The following JPH2 variants were observed in gnomAD, a reference collection of about 807,000 sequenced individuals.
The protein encoded by JPH2 is junctophilin-2.
In JPH2, 38 loss-of-function variants were observed where a neutral mutation model predicts 55.9. That is an observed-to-expected ratio of 0.68 (90% CI 0.52 to 0.89). The LOEUF (loss-of-function observed/expected upper bound fraction) is 0.89. Ranked by LOEUF, JPH2 falls within the 40% of genes least tolerant of loss-of-function variation. The pLI is 0.00. For synonymous variants in JPH2, 480 were observed against 472.4 expected, an observed-to-expected ratio of 1.02 and a Z score of -0.21; for missense variants, 964 against 1,037.6, an observed-to-expected ratio of 0.93 and a Z score of 0.97.
In JPH2 at chr20:44,107,329, A is replaced by T. The variant is rs2072114497; in HGVS notation, c.*6189T>A. ...CAATGGGGATGGTACTACAGGCTGTACTGTCTTGTCTGTTTACCAAAACCC... is the reference window on the plus strand; with the variant it reads ...CAATGGGGATGGTACTACAGGCTGTTCTGTCTTGTCTGTTTACCAAAACCC... On this transcript the variant is annotated 3_prime_UTR_variant, in exon 6 of 6. Coordinates refer to ENST00000372980, the MANE Select transcript of JPH2 (RefSeq NM_020433.5). Among the ~76,000 whole-genome samples, 1 of 151,968 alleles carries T rather than the reference A, an allele frequency of 6.6e-6. No homozygotes were observed. Among genetic ancestry groups the T allele is most frequent in the Non-Finnish European group, 1.5e-5 (1 of 67,974 alleles).
chr20:44,134,993 C>T lies in JPH2; in HGVS notation c.1170-16370G>A, dbSNP rs569594146. ...TTAGCTGCTGGGTGCTGGGAATGAC[C>T]AAGTGGACAGAATACCAAGAGGGGT... On this transcript the variant is annotated intron_variant, in intron 2 of 5. Transcript: ENST00000372980. Among the ~76,000 whole-genome samples the T allele has an allele frequency of 6.4e-5, 9 of 140,630 alleles. No homozygotes were observed. In the South Asian group the frequency reaches 1.3e-3, roughly 21 times the overall value. The allele number at this position is 140,630 out of a possible 152,430, so 92.3% of individuals were successfully genotyped here.
intron 1 of JPH2, among the ~76,000 whole-genome samples, chr20:44,162,787 T>TATACAC (rs1311653754): frequency 9.0e-4 from 37 of 40,982 alleles, no homozygotes; most frequent in Admixed American, 1.3e-3. Context: ...TATATATATA[T>TATACAC]ACACACACAC....
intron 2 of JPH2, among the ~76,000 whole-genome samples, chr20:44,134,321 A>AAATATT: frequency 1.2e-3 from 1 of 848 alleles, no homozygotes; most frequent in African/African-American, 2.6e-3. Context: ...TATTATAAAT[A>AAATATT]TATAATAAAT....
In JPH2 at chr20:44,162,086, T is replaced by C. The variant is rs140416109; in HGVS notation, c.380-1679A>G. On this transcript the variant is annotated intron_variant, in intron 1 of 5. Coordinates refer to ENST00000372980, the MANE Select transcript of JPH2 (RefSeq NM_020433.5). ...TTTGTACCTCCACCATGTAGAACGG[T>C]ACCTGATACATAACGTTCACTGCAC... Among the ~76,000 whole-genome samples, 14 of 152,322 alleles carry C rather than the reference T, an allele frequency of 9.2e-5. 1 individual carries two copies. Among genetic ancestry groups the C allele is most frequent in the Middle Eastern group, 6.8e-3 (2 of 294 alleles).
chr20:44,153,706 G>C (rs1408233608), intron 2 of JPH2, among the ~76,000 whole-genome samples: 1 of 152,242 alleles, frequency 6.6e-6, no homozygotes, highest in African/African-American at 2.4e-5. Context: ...AATGGCAGCT[G>C]ATGCTTACAG....
intron 2 of JPH2, among the ~76,000 whole-genome samples, chr20:44,148,460 T>A (rs967540637): frequency 6.6e-6 from 1 of 152,060 alleles, no homozygotes; most frequent in African/African-American, 2.4e-5. Flanking sequence ...TCTGACACAA[T>A]GGCCTTCCCC....
chr20:44,171,307 T>A (rs771727878), intron 1 of JPH2, among the ~76,000 whole-genome samples: 3 of 152,202 alleles, frequency 2.0e-5, no homozygotes, highest in Non-Finnish European at 4.4e-5. Context: ...CCTTCAGCGT[T>A]GCCCAAAATC....
intron 3 of JPH2, 97 bp downstream of exon 3, chr20:44,118,408 A>T: frequency 1.0e-6 from 1 of 972,830 alleles, no homozygotes; most frequent in Non-Finnish European, 1.6e-6. Flanking sequence ...ACGGGCATCC[A>T]GGAAACCACT....
At chr20:44,161,224 T>C (rs2072607711) in intron 1 of JPH2, among the ~76,000 whole-genome samples, 1 of 152,098 alleles carries the variant, frequency 6.6e-6, no homozygotes, top group South Asian at 2.1e-4. Context: ...CAAAGTAATA[T>C]GTAGCACTCC....
chr20:44,116,488 C>T (rs879006046), intron 3 of JPH2, 102 bp from the exon 4 acceptor site: 32 of 1,362,670 alleles, frequency 2.3e-5, no homozygotes, highest in Non-Finnish European at 3.2e-5. Flanking sequence ...TGGGCTCAGT[C>T]GGCACTCACA....
intron 2 of JPH2, among the ~76,000 whole-genome samples, chr20:44,137,410 C>T (rs1418351237): frequency 1.3e-5 from 2 of 152,220 alleles, no homozygotes; most frequent in Non-Finnish European, 2.9e-5. Flanking sequence ...CGCCTCCCGC[C>T]CCTCCCCAGG....
intron 2 of JPH2, among the ~76,000 whole-genome samples, chr20:44,138,259 G>A (rs912097597): frequency 6.6e-6 from 1 of 151,818 alleles, no homozygotes; most frequent in African/African-American, 2.4e-5. Flanking sequence ...GCCCACCTTG[G>A]CTTCCCAAAG....
At chr20:44,183,682 G>A (rs2072806041) in intron 1 of JPH2, among the ~76,000 whole-genome samples, 1 of 152,272 alleles carries the variant, frequency 6.6e-6, no homozygotes, top group Admixed American at 6.5e-5. Context: ...CGAATATAAT[G>A]TCCTATGAAT....
Position 44,177,853 on chromosome 20 carries a change from T to G in JPH2, c.379+8474A>C. On this transcript the variant is annotated intron_variant, in intron 1 of 5. Coordinates refer to ENST00000372980, the MANE Select transcript of JPH2 (RefSeq NM_020433.5). ...TCCTGAATTAATTCACCCTTTGGAA[T>G]GTGAAGGAAATACGGGAATATATAT... 1.9e-6 allele frequency: 3 copies of G among 1,607,690 alleles called. No individual in the cohort carries two copies. The South Asian group carries it at 3.3e-5, about 18-fold the overall frequency.
chr20:44,116,314 T>G lies in JPH2; in HGVS notation c.1361A>C (p.Asp454Ala). The G allele has an allele frequency of 2.6e-6, 4 of 1,543,164 alleles. No individual in the cohort carries two copies. Among genetic ancestry groups the G allele is most frequent in the Non-Finnish European group, 3.5e-6 (4 of 1,145,818 alleles). Residue 454 changes from aspartate (D) to alanine (A), a missense_variant, in exon 4 of 6, where the codon GAC (aspartate) becomes GCC (alanine). By Grantham distance (126) the Asp-to-Ala change is moderately radical (BLOSUM62 -2). Coordinates refer to ENST00000372980, the MANE Select transcript of JPH2 (RefSeq NM_020433.5). ...ENSESLLEPP[D>A]RGAGAAGLPQ... ...GAGGCCCGCTGCGCCGGCGCCCCGG[T>G]CGGGGGGCTCCAGCAGGCTCTCCGA...
At chr20:44,177,696 C>T in intron 1 of JPH2, 1 of 1,296,674 alleles carries the variant, frequency 7.7e-7, no homozygotes, top group Middle Eastern at 3.1e-4. Context: ...GCATGGATTC[C>T]ATCTACACTG....
In JPH2 at chr20:44,152,904, G is replaced by A. The variant is rs2072541614; in HGVS notation, c.1169+6714C>T. 2.0e-5 allele frequency among the ~76,000 whole-genome samples: 3 copies of A among 152,222 alleles called. No individual in the cohort carries two copies. The South Asian group carries it at 6.2e-4, about 32-fold the overall frequency. ...CCTTTGGGCATCAATAGTTTGATGT[G>A]GAACTTGAATAGCATTGTTCTGTTT... On this transcript the variant is annotated intron_variant, in intron 2 of 5. Transcript: ENST00000372980.
chr20:44,135,150 C>A (rs1024399466), intron 2 of JPH2, among the ~76,000 whole-genome samples: 9 of 151,692 alleles, frequency 5.9e-5, no homozygotes, highest in Non-Finnish European at 1.0e-4. Flanking sequence ...TGTAAACGTT[C>A]CTTCTTATGC....
intron 1 of JPH2, among the ~76,000 whole-genome samples, chr20:44,182,539 G>T: frequency 6.6e-6 from 1 of 152,136 alleles, no homozygotes; most frequent in East Asian, 1.9e-4. Context: ...CACGATGTCT[G>T]CACCCCTCGC....
Sources: gnomAD v4.1 joint callset for allele counts (sites outside exome capture counted in the v4.1 genomes callset) on GRCh38, gnomAD v4.1.1 for gene constraint, MANE v1.5 for transcripts, NCBI Gene and HGNC (gene_info 2026-07-23, HGNC 2026-07-21) for gene names.